The following KCNIP4 variants were observed in gnomAD, a reference collection of about 807,000 sequenced individuals.
KCNIP4 encodes Kv channel-interacting protein 4.
In KCNIP4, 12 loss-of-function variants were observed where a neutral mutation model predicts 34.0. That is an observed-to-expected ratio of 0.35 (90% CI 0.23 to 0.57). The LOEUF is 0.57. KCNIP4 is among the 20% of genes least tolerant of loss of function. KCNIP4 has a pLI of 0.83. For missense variants in KCNIP4, 238 were observed against 311.7 expected, an observed-to-expected ratio of 0.76 and a Z score of 1.78; for synonymous variants, 124 against 102.2, an observed-to-expected ratio of 1.21 and a Z score of -1.29.
intron 3 of KCNIP4, among the ~76,000 whole-genome samples, chr4:20,781,901 G>T (rs900522683): frequency 2.0e-5 from 3 of 152,086 alleles, no homozygotes; most frequent in African/African-American, 4.8e-5. Context: ...CTGAGGAAAG[G>T]CAAGTCCCTT....
At chr4:21,509,388 G>A (rs898103613) in intron 1 of KCNIP4, among the ~76,000 whole-genome samples, 1 of 152,088 alleles carries the variant, frequency 6.6e-6, no homozygotes, top group South Asian at 2.1e-4. Flanking sequence ...TAAACCTCCT[G>A]CTGGAGACTT....
intron 1 of KCNIP4, among the ~76,000 whole-genome samples, chr4:21,686,997 T>G (rs1381662592): frequency 6.7e-6 from 1 of 148,844 alleles, no homozygotes; most frequent in African/African-American, 2.5e-5. Context: ...CCATAAAAAA[T>G]GATGAGTTCA....
At chr4:21,434,180 A>G (rs1021028895) in intron 1 of KCNIP4, among the ~76,000 whole-genome samples, 1 of 152,218 alleles carries the variant, frequency 6.6e-6, no homozygotes, top group African/African-American at 2.4e-5. Flanking sequence ...GTTTTCAAGT[A>G]GTAAAACAGA....
intron 1 of KCNIP4, among the ~76,000 whole-genome samples, chr4:21,561,089 A>T (rs1397539622): frequency 6.6e-6 from 1 of 152,018 alleles, no homozygotes; most frequent in East Asian, 1.9e-4. Flanking sequence ...AGCTCATTAC[A>T]TGGAGTGTTC....
intron 1 of KCNIP4, among the ~76,000 whole-genome samples, chr4:21,707,740 A>G (rs1713397101): frequency 6.6e-6 from 1 of 152,074 alleles, no homozygotes; most frequent in Non-Finnish European, 1.5e-5. Context: ...GACTGGCATC[A>G]TGGGCTTGGA....
chr4:21,683,140 C>A (rs1359171487), intron 1 of KCNIP4, among the ~76,000 whole-genome samples: 1 of 152,182 alleles, frequency 6.6e-6, no homozygotes, highest in Non-Finnish European at 1.5e-5. Flanking sequence ...ATGTCAAGCT[C>A]CTTTATGGTG....
intron 1 of KCNIP4, among the ~76,000 whole-genome samples, chr4:21,314,638 A>G (rs954387577): frequency 2.0e-5 from 3 of 152,198 alleles, no homozygotes; most frequent in Non-Finnish European, 4.4e-5. Flanking sequence ...TGGCCACTGA[A>G]TGCACAGAAG....
At chr4:21,541,397 G>A (rs1737680618) in intron 1 of KCNIP4, among the ~76,000 whole-genome samples, 1 of 152,070 alleles carries the variant, frequency 6.6e-6, no homozygotes, top group Admixed American at 6.6e-5. Context: ...CTTTCCCTGA[G>A]GGAATGTTTA....
At chr4:21,682,330 G>T (rs1488456935) in intron 1 of KCNIP4, among the ~76,000 whole-genome samples, 1 of 152,104 alleles carries the variant, frequency 6.6e-6, no homozygotes, top group Non-Finnish European at 1.5e-5. Flanking sequence ...CAACACTGGG[G>T]ATTGTAACTC....
intron 1 of KCNIP4, among the ~76,000 whole-genome samples, chr4:21,202,646 G>A (rs1475325840): frequency 6.6e-6 from 1 of 152,208 alleles, no homozygotes; most frequent in African/African-American, 2.4e-5. Flanking sequence ...AGGCCCCAGA[G>A]CAGTGACAGT....
intron 1 of KCNIP4, among the ~76,000 whole-genome samples, chr4:21,009,013 GA>G (rs71655611): frequency 2.6e-5 from 4 of 151,688 alleles, no homozygotes; most frequent in African/African-American, 7.3e-5. Context: ...TATTGCACTA[GA>G]AAAAAAATAT....
intron 1 of KCNIP4, among the ~76,000 whole-genome samples, chr4:21,400,562 TCTCTTCTCTTCTCTTCG>T (rs1723457830): frequency 1.2e-5 from 1 of 81,544 alleles, no homozygotes; most frequent in Non-Finnish European, 2.8e-5. Context: ...TCTCTTCTCT[TCTCTTCTCTTCTCTTCG>T]TTCTTTCTTT....
chr4:21,676,301 C>T (rs1749891607), intron 1 of KCNIP4, among the ~76,000 whole-genome samples: 1 of 152,206 alleles, frequency 6.6e-6, no homozygotes, highest in African/African-American at 2.4e-5. Flanking sequence ...ATCTTCCTAA[C>T]ATGATAACCT....
intron 1 of KCNIP4, among the ~76,000 whole-genome samples, chr4:21,705,373 T>C (rs1713180671): frequency 6.6e-6 from 1 of 152,132 alleles, no homozygotes; most frequent in Non-Finnish European, 1.5e-5. Context: ...AATGAGTAAA[T>C]TGTACACTGC....
intron 2 of KCNIP4, among the ~76,000 whole-genome samples, chr4:20,871,953 G>C (rs1359936540): frequency 6.6e-6 from 1 of 152,174 alleles, no homozygotes; most frequent in Non-Finnish European, 1.5e-5. Flanking sequence ...GCAAAACAAA[G>C]CATGAAAATT....
At chr4:21,354,763 T>G (rs1323662075) in intron 1 of KCNIP4, among the ~76,000 whole-genome samples, 1 of 152,066 alleles carries the variant, frequency 6.6e-6, no homozygotes, top group African/African-American at 2.4e-5. Context: ...AACAAGGATA[T>G]CCAGGACTTG....
intron 1 of KCNIP4, among the ~76,000 whole-genome samples, chr4:21,538,391 A>G (rs1159853448): frequency 6.6e-6 from 1 of 152,210 alleles, no homozygotes; most frequent in Non-Finnish European, 1.5e-5. Flanking sequence ...CGTTGAGAAT[A>G]TGGAACAATG....
intron 1 of KCNIP4, among the ~76,000 whole-genome samples, chr4:21,665,891 G>T (rs535534897): frequency 6.6e-6 from 1 of 152,072 alleles, no homozygotes; most frequent in Admixed American, 6.6e-5. Flanking sequence ...CATACATGGC[G>T]CCCCTTTGGC....
chr4:21,108,344 C>A (rs866375666), intron 1 of KCNIP4, among the ~76,000 whole-genome samples: 20 of 149,896 alleles, frequency 1.3e-4, no homozygotes, highest in African/African-American at 4.5e-4. Context: ...TCATTTCATT[C>A]ATTTCATCTT....
Sources: allele counts gnomAD v4.1 joint callset (sites outside exome capture counted in the v4.1 genomes callset), GRCh38; gene constraint gnomAD v4.1.1; transcripts MANE v1.5; gene names NCBI Gene and HGNC (gene_info 2026-07-23, HGNC 2026-07-21).